The following HCN4 variants were observed in gnomAD, a reference collection of about 807,000 sequenced individuals.
HCN4 encodes the protein potassium/sodium hyperpolarization-activated cyclic nucleotide-gated channel 4.
In HCN4, 29 loss-of-function variants were observed where a neutral mutation model predicts 76.9. That is an observed-to-expected ratio of 0.38 (90% CI 0.28 to 0.51). HCN4 has a LOEUF of 0.51. Ranked by LOEUF, HCN4 falls within the 20% of genes least tolerant of loss-of-function variation. The pLI is 0.90. For missense variants in HCN4, 1,416 were observed against 1,715.2 expected, an observed-to-expected ratio of 0.83 and a Z score of 3.08; for synonymous variants, 772 against 762.5, an observed-to-expected ratio of 1.01 and a Z score of -0.21.
chr15:73,357,217 T>C (rs2043085253), intron 1 of HCN4, among the ~76,000 whole-genome samples: 1 of 151,942 alleles, frequency 6.6e-6, no homozygotes, highest in Admixed American at 6.6e-5. Context: ...CTCAGAGAGG[T>C]GAGGCCTCAG....
chr15:73,357,394 C>T (rs1007043560), intron 1 of HCN4, among the ~76,000 whole-genome samples: 1 of 152,110 alleles, frequency 6.6e-6, no homozygotes, highest in African/African-American at 2.4e-5. Context: ...CCTTCCTCTG[C>T]CAATCCCAGA....
At chr15:73,349,753 C>T (rs1207045422) in intron 1 of HCN4, among the ~76,000 whole-genome samples, 1 of 152,224 alleles carries the variant, frequency 6.6e-6, no homozygotes, top group Non-Finnish European at 1.5e-5. Flanking sequence ...CCTCTCCCTA[C>T]TGCTGCTACC....
chr15:73,344,250 CCA>C (rs1325139139), intron 1 of HCN4, among the ~76,000 whole-genome samples: 3 of 152,146 alleles, frequency 2.0e-5, no homozygotes, highest in Non-Finnish European at 4.4e-5. Flanking sequence ...GGGAGACATT[CCA>C]CAGACCATGA....
Position 73,368,538 on chromosome 15 carries a change from C to G in HCN4, c.-268G>C, listed in dbSNP as rs1436881495. The G allele has an allele frequency of 1.1e-5, 3 of 281,144 alleles. No homozygotes were observed. The highest frequency in any genetic ancestry group is 5.4e-5 in the Admixed American group (1 of 18,648). The allele number at this position is 281,144 out of a possible 1,614,324, so 17.4% of individuals were successfully genotyped here. A position where few individuals can be genotyped will look rare whatever the true frequency, so the allele number is the denominator to read the frequency against. Reference sequence around the variant, plus strand: ...GCGCTCCCTTCTTGCCTCCCTCCCTCCCTCTGGCGTTCAGGGGCGCGGCGC... The same window carrying G: ...GCGCTCCCTTCTTGCCTCCCTCCCTGCCTCTGGCGTTCAGGGGCGCGGCGC... On this transcript the variant is annotated 5_prime_UTR_variant, in exon 1 of 8. Transcript: ENST00000261917. This position sits in a 1 kb window ranked among gnomAD's most constrained non-coding sequence, Gnocchi z 6.9.
chr15:73,325,230 GGTGGT>G lies in HCN4; in HGVS notation c.1738-40_1738-36del. On this transcript the variant is annotated intron_variant, in intron 5 of 7. Transcript: ENST00000261917. The surrounding 1 kb of genome is among the most constrained non-coding windows in gnomAD (Gnocchi z 7.4). ...AGGGTGGATTGGGACACGGGAAGGA[GGTGGT>G]GAGGGGAGCTGGCTGCCAGGAAGGC... is the stretch of plus-strand genomic sequence containing the variant. The G allele has an allele frequency of 1.2e-6, 2 of 1,614,122 alleles. No homozygotes were observed. Among genetic ancestry groups the G allele is most frequent in the Non-Finnish European group, 1.7e-6 (2 of 1,179,980 alleles).
chr15:73,322,500 T>G lies in HCN4; in HGVS notation c.3593A>C (p.Lys1198Thr). The part of the protein sequence containing the change: ...PGARPEPVRS[K>T]LPSNL The stretch of plus-strand genomic sequence containing the variant: ...CCCAGCTCATAGATTGGATGGCAGT[T>G]TGGAGCGCACTGGCTCAGGCCTGGC... The change falls in exon 8 of 8, where the codon AAA becomes ACA. Residue 1198 changes from lysine to threonine, a missense_variant. Lys to Thr is a moderately conservative substitution (Grantham distance 78, BLOSUM62 -1). Coordinates refer to ENST00000261917, the MANE Select transcript of HCN4 (RefSeq NM_005477.3). 6.3e-7 allele frequency: 1 copy of G among 1,597,958 alleles called. No individual in the cohort carries two copies. The highest frequency in any genetic ancestry group is 8.5e-7 in the Non-Finnish European group (1 of 1,172,274).
intron 1 of HCN4, among the ~76,000 whole-genome samples, chr15:73,345,921 G>A (rs748864043): frequency 1.3e-5 from 2 of 152,084 alleles, no homozygotes; most frequent in Non-Finnish European, 2.9e-5. Flanking sequence ...CCACTCCAAC[G>A]GGTTTCTACA....
intron 6 of HCN4, 81 bp downstream of exon 6, chr15:73,324,874 C>A: frequency 6.4e-7 from 1 of 1,569,444 alleles, no homozygotes; most frequent in Non-Finnish European, 8.7e-7. Context: ...AGGGTGCTCA[C>A]TGCCTCTGTC....
rs1390879786 is a variant in HCN4, at chr15:73,342,529, CT to C, written c.1209+855del. 1.3e-5 allele frequency: 2 copies of C among 152,296 alleles called. 1 individual carries two copies. Among genetic ancestry groups the C allele is most frequent in the Middle Eastern group, 6.3e-3 (2 of 316 alleles). 9.4% of individuals were successfully genotyped at this position (152,296 alleles called of 1,614,324 possible). On this transcript the variant is annotated intron_variant, in intron 2 of 7. Coordinates refer to ENST00000261917, the MANE Select transcript of HCN4 (RefSeq NM_005477.3). ...ATATAAACATTCCAACTCCCTTGCC[CT>C]GACTGGGACAACTCCAAGGTGTGGC...
intron 1 of HCN4, among the ~76,000 whole-genome samples, chr15:73,360,836 A>G (rs1039462416): frequency 6.6e-6 from 1 of 152,208 alleles, no homozygotes; most frequent in Admixed American, 6.5e-5. Flanking sequence ...CTAGGGCTAT[A>G]AAATCCAAAG....
At position 73,321,482 on chromosome 15, in the gene HCN4, G is replaced by C. The variant is rs2042857367; in HGVS notation, c.*999C>G. 3.3e-5 allele frequency: 5 copies of C among 152,524 alleles called. No homozygotes were observed. The highest frequency in any genetic ancestry group is 3.3e-4 in the Admixed American group (5 of 15,288). The allele number at this position is 152,524 out of a possible 1,614,324, so 9.4% of individuals were successfully genotyped here. A position where few individuals can be genotyped will look rare whatever the true frequency, so the allele number is the denominator to read the frequency against. On this transcript the variant is annotated 3_prime_UTR_variant, in exon 8 of 8. Transcript: ENST00000261917. ...CCATGGTCTTTGTGAAACTGAAGGA[G>C]TTAATGTGTGTAAAGTGCGAAACCA...
At chr15:73,355,226 G>A (rs2043072654) in intron 1 of HCN4, among the ~76,000 whole-genome samples, 1 of 152,162 alleles carries the variant, frequency 6.6e-6, no homozygotes, top group South Asian at 2.1e-4. Flanking sequence ...CTGGGTCAGG[G>A]GCCTGAGATT....
intron 6 of HCN4, among the ~76,000 whole-genome samples, chr15:73,324,468 C>T (rs1473310522): frequency 6.6e-6 from 1 of 152,268 alleles, no homozygotes; most frequent in Non-Finnish European, 1.5e-5. Context: ...CTGCTCTGGA[C>T]TGAATGTGTT....
At chr15:73,338,206 C>T (rs2042978037) in intron 2 of HCN4, among the ~76,000 whole-genome samples, 1 of 152,232 alleles carries the variant, frequency 6.6e-6, no homozygotes. Context: ...TGGCTGGGGC[C>T]ACAGGCCACC....
Position 73,343,027 on chromosome 15 carries a change from T to C in HCN4, c.1209+358A>G, listed in dbSNP as rs147498681. Reference sequence around the variant, plus strand: ...CCCTACAACATAACGCAGTGGTTAATAATGTGGGCTCTAGAGGTGATCGGC... The same window carrying C: ...CCCTACAACATAACGCAGTGGTTAACAATGTGGGCTCTAGAGGTGATCGGC... On this transcript the variant is annotated intron_variant, in intron 2 of 7. Transcript: ENST00000261917. This position sits in a 1 kb window ranked among gnomAD's most constrained non-coding sequence, Gnocchi z 5.7. 6.6e-6 allele frequency among the ~76,000 whole-genome samples: 1 copy of C among 152,312 alleles called. No homozygotes were observed. Among genetic ancestry groups the C allele is most frequent in the Non-Finnish European group, 1.5e-5 (1 of 68,040 alleles).
At chr15:73,360,714 A>AGG (rs1444549386) in intron 1 of HCN4, among the ~76,000 whole-genome samples, 1 of 152,182 alleles carries the variant, frequency 6.6e-6, no homozygotes, top group African/African-American at 2.4e-5. Flanking sequence ...TGAAGAATAA[A>AGG]TGAAATGGGA....
intron 6 of HCN4, 33 bp downstream of exon 6, chr15:73,324,922 T>C: frequency 2.5e-6 from 4 of 1,612,814 alleles, no homozygotes; most frequent in Non-Finnish European, 3.4e-6. Flanking sequence ...TGGGAGCAGC[T>C]GCCCTGTCCC....
intron 1 of HCN4, among the ~76,000 whole-genome samples, chr15:73,356,347 C>T (rs183018280): frequency 1.3e-5 from 2 of 150,974 alleles, no homozygotes; most frequent in Admixed American, 1.3e-4. Flanking sequence ...ACTACCATGC[C>T]CAGCTAATTT....
chr15:73,322,216 T>A lies in HCN4; in HGVS notation c.*265A>T. On this transcript the variant is annotated 3_prime_UTR_variant, in exon 8 of 8. Transcript: ENST00000261917. The stretch of plus-strand genomic sequence containing the variant: ...GAGACCCCATCTGCCTTTCTCTGGC[T>A]TTTGCATTTGGGACCTGCCTGCTCC... The A allele has an allele frequency of 2.7e-6, 1 of 371,156 alleles. No homozygotes were observed. The highest frequency in any genetic ancestry group is 3.8e-5 in the Admixed American group (1 of 26,546). 23.0% of individuals were successfully genotyped at this position (371,156 alleles called of 1,614,324 possible). A position where few individuals can be genotyped will look rare whatever the true frequency, so the allele number is the denominator to read the frequency against.
Sources: allele counts gnomAD v4.1 joint callset (sites outside exome capture counted in the v4.1 genomes callset), GRCh38; gene constraint gnomAD v4.1.1; non-coding constraint Gnocchi (gnomAD v3.1); transcripts MANE v1.5; gene names NCBI Gene and HGNC (gene_info 2026-07-23, HGNC 2026-07-21).